MCC: variants seen among roughly 807,000 people sequenced by gnomAD.
MCC encodes MCC regulator of Wnt signaling pathway.
In MCC, 90 loss-of-function variants were observed where a neutral mutation model predicts 116.2. The observed-to-expected ratio is 0.77, with a 90% CI of 0.65 to 0.92. The LOEUF (loss-of-function observed/expected upper bound fraction) is 0.92, where lower values mean the gene tolerates loss of function less well. Ranked by LOEUF, MCC falls within the 40% of genes least tolerant of loss-of-function variation. MCC has a pLI of 0.00. For missense variants in MCC, 1,516 were observed against 1,312.2 expected, an observed-to-expected ratio of 1.16 and a Z score of -2.40; for synonymous variants, 578 against 510.5, an observed-to-expected ratio of 1.13 and a Z score of -1.78.
intron 3 of MCC, among the ~76,000 whole-genome samples, chr5:113,297,650 G>A (rs1028234546): frequency 4.0e-5 from 6 of 151,320 alleles, no homozygotes; most frequent in Non-Finnish European, 5.9e-5. Flanking sequence ...CTACTCAGGA[G>A]GCTGAGGCAC....
intron 3 of MCC, among the ~76,000 whole-genome samples, chr5:113,310,129 T>G (rs992688636): frequency 6.6e-6 from 1 of 152,192 alleles, no homozygotes; most frequent in Non-Finnish European, 1.5e-5. Flanking sequence ...TGAATGAGGG[T>G]GTCCCCTTCA....
intron 3 of MCC, among the ~76,000 whole-genome samples, chr5:113,225,739 C>T (rs753059524): frequency 5.9e-5 from 9 of 152,198 alleles, no homozygotes; most frequent in African/African-American, 7.2e-5. Flanking sequence ...CACAGGCTCA[C>T]AGGCATCCCA....
intron 3 of MCC, among the ~76,000 whole-genome samples, chr5:113,259,221 G>A (rs1765131989): frequency 6.6e-6 from 1 of 152,168 alleles, no homozygotes; most frequent in African/African-American, 2.4e-5. Context: ...GACTCCATTA[G>A]AGAGGAATGC....
At chr5:113,354,001 T>G (rs1442103928) in intron 2 of MCC, among the ~76,000 whole-genome samples, 1 of 152,224 alleles carries the variant, frequency 6.6e-6, no homozygotes, top group Non-Finnish European at 1.5e-5. Flanking sequence ...GCCAATATAA[T>G]TCTATTGATT....
chr5:113,116,041 T>C (rs1354600548), intron 6 of MCC, among the ~76,000 whole-genome samples: 1 of 152,118 alleles, frequency 6.6e-6, no homozygotes, highest in Non-Finnish European at 1.5e-5. Context: ...CTGCCCACTC[T>C]CCCCCAGGCT....
intron 3 of MCC, among the ~76,000 whole-genome samples, chr5:113,300,552 T>A (rs1766836966): frequency 6.6e-6 from 1 of 152,166 alleles, no homozygotes; most frequent in Non-Finnish European, 1.5e-5. Context: ...CTGAAGAAAG[T>A]GAATTTTGAG....
At chr5:113,484,319 T>C (rs1218129683) in intron 1 of MCC, among the ~76,000 whole-genome samples, 4 of 152,184 alleles carry the variant, frequency 2.6e-5, no homozygotes, top group Non-Finnish European at 2.9e-5. Context: ...TACATAAATA[T>C]GGAAAATATC....
chr5:113,280,436 T>G (rs947393705), intron 3 of MCC, among the ~76,000 whole-genome samples: 16 of 152,212 alleles, frequency 1.1e-4, no homozygotes, highest in Admixed American at 3.9e-4. Flanking sequence ...ACGAAAGCAT[T>G]TCTCCAGCCA....
At chr5:113,097,424 T>A (rs1299448895) in intron 8 of MCC, among the ~76,000 whole-genome samples, 1 of 152,220 alleles carries the variant, frequency 6.6e-6, no homozygotes, top group East Asian at 1.9e-4. Flanking sequence ...TTGAGGCCAA[T>A]ACAACATATT....
intron 3 of MCC, among the ~76,000 whole-genome samples, chr5:113,220,609 TTC>T (rs1184813017): frequency 1.3e-5 from 2 of 152,236 alleles, no homozygotes; most frequent in Admixed American, 1.3e-4. Context: ...GAATTTCAAT[TTC>T]TGATTGTTCA....
chr5:113,334,827 G>A (rs1767832310), intron 3 of MCC, among the ~76,000 whole-genome samples: 1 of 151,134 alleles, frequency 6.6e-6, no homozygotes, highest in Non-Finnish European at 1.5e-5. Context: ...CTGACCTTAG[G>A]TGATCTGCCT....
intron 3 of MCC, among the ~76,000 whole-genome samples, chr5:113,213,972 A>G (rs1420865197): frequency 7.9e-5 from 12 of 152,166 alleles, no homozygotes. Context: ...TTCCTAATGC[A>G]AAGAACACAA....
chr5:113,454,607 C>T (rs1349665037), intron 1 of MCC, among the ~76,000 whole-genome samples: 1 of 152,068 alleles, frequency 6.6e-6, no homozygotes, highest in Non-Finnish European at 1.5e-5. Flanking sequence ...AACAAAGATT[C>T]TAAGAAGAGT....
chr5:113,197,485 T>C (rs1318602429), intron 3 of MCC, among the ~76,000 whole-genome samples: 1 of 152,004 alleles, frequency 6.6e-6, no homozygotes, highest in Non-Finnish European at 1.5e-5. Context: ...AGAGGGTGAA[T>C]TGTATGATAT....
At chr5:113,370,931 T>C (rs114907481) in intron 2 of MCC, among the ~76,000 whole-genome samples, 130 of 152,158 alleles carry the variant, frequency 8.5e-4, no homozygotes, top group African/African-American at 2.8e-3. Context: ...TGAAAGACAG[T>C]TGAGGCTGGG....
intron 17 of MCC, among the ~76,000 whole-genome samples, chr5:113,034,087 T>G (rs1338388763): frequency 2.9e-5 from 4 of 140,296 alleles, no homozygotes; most frequent in Non-Finnish European, 6.1e-5. Flanking sequence ...TTTGTAGAGA[T>G]AGGGTCTTAA....
intron 1 of MCC, among the ~76,000 whole-genome samples, chr5:113,464,335 C>G (rs1200372650): frequency 2.6e-5 from 4 of 152,208 alleles, no homozygotes; most frequent in Admixed American, 2.6e-4. Flanking sequence ...TTTTCTCACT[C>G]CAGCCACACT....
At chr5:113,190,533 G>C (rs1224689612) in intron 3 of MCC, among the ~76,000 whole-genome samples, 1 of 152,104 alleles carries the variant, frequency 6.6e-6, no homozygotes, top group Non-Finnish European at 1.5e-5. Flanking sequence ...TAATTCTAAG[G>C]GGGAAAACTT....
intron 3 of MCC, among the ~76,000 whole-genome samples, chr5:113,300,150 C>G (rs534213973): frequency 4.9e-4 from 75 of 152,228 alleles, no homozygotes; most frequent in Middle Eastern, 3.4e-3. Context: ...TGGTCTGTAC[C>G]CTCTACTGGT....
Sources: allele counts gnomAD v4.1 joint callset (sites outside exome capture counted in the v4.1 genomes callset), GRCh38; gene constraint gnomAD v4.1.1; transcripts MANE v1.5; gene names NCBI Gene and HGNC (gene_info 2026-07-23, HGNC 2026-07-21).